The following HAND2 variants were observed in gnomAD, a reference collection of about 807,000 sequenced individuals.
The protein encoded by HAND2 is heart and neural crest derivatives expressed 2.
A neutral mutation model predicts 14.7 loss-of-function variants in HAND2; 2 were observed. The observed-to-expected ratio is 0.14, with a 90% CI of 0.06 to 0.43. The LOEUF is 0.43. Among genes scored for constraint, HAND2 ranks in the 20% least tolerant of loss-of-function variants. The pLI is 0.99. For synonymous variants in HAND2, 162 were observed against 135.9 expected (o/e 1.19, Z -1.34); for missense variants, 275 against 313.6 (o/e 0.88, Z 0.93).
chr4:173,528,515 C>A lies in HAND2; in HGVS notation c.555+220G>T. 2 of 597,148 alleles carry A rather than the reference C, an allele frequency of 3.3e-6. No individual in the cohort carries two copies. Among genetic ancestry groups the A allele is most frequent in the South Asian group, 3.9e-5 (2 of 51,108 alleles). 37.0% of individuals were successfully genotyped at this position (597,148 alleles called of 1,614,324 possible). A position where few individuals can be genotyped will look rare whatever the true frequency, so the allele number is the denominator to read the frequency against. On this transcript the variant is annotated intron_variant, in intron 1 of 1. Transcript: ENST00000359562. The surrounding 1 kb of genome is among the most constrained non-coding windows in gnomAD (Gnocchi z 5.6). ...GATAACCCGGAGGTAAGATCACCAG[C>A]GCAAAGCATCCCTAACCTTCTCCTC... is the stretch of plus-strand genomic sequence containing the variant.
intron 1 of HAND2, 171 bp from the exon 2 acceptor site, chr4:173,527,546 A>C (rs1579037024): frequency 1.5e-6 from 1 of 649,032 alleles, no homozygotes. Flanking sequence ...GGTTAGCGCT[A>C]CCCTAGCCGG....
rs1175911549 is a variant in HAND2 at position 173,527,103 on chromosome 4, C to T, written c.*174G>A. 4.3e-6 allele frequency: 3 copies of T among 702,030 alleles called. No individual in the cohort carries two copies. The highest frequency in any genetic ancestry group is 1.7e-5 in the African/African-American group (1 of 57,190). The allele number at this position is 702,030 out of a possible 1,614,324, so 43.5% of individuals were successfully genotyped here. A position where few individuals can be genotyped will look rare whatever the true frequency, so the allele number is the denominator to read the frequency against. ...TGGAGGGGGAGACGGGGAGCAGATG[C>T]CTCAAAGGGGGTCAAAGAGAGGGGA... On this transcript the variant is annotated 3_prime_UTR_variant, in exon 2 of 2. Coordinates refer to ENST00000359562, the MANE Select transcript of HAND2 (RefSeq NM_021973.3).
In HAND2 at chr4:173,526,824, A is replaced by G. The variant is rs1731466043; in HGVS notation, c.*453T>C. The G allele has an allele frequency of 1.9e-5, 7 of 367,008 alleles. No individual in the cohort carries two copies. Among genetic ancestry groups the G allele is most frequent in the South Asian group, 1.2e-4 (6 of 48,052 alleles). The allele number at this position is 367,008 out of a possible 1,614,324, so 22.7% of individuals were successfully genotyped here. On this transcript the variant is annotated 3_prime_UTR_variant, in exon 2 of 2. Coordinates refer to ENST00000359562, the MANE Select transcript of HAND2 (RefSeq NM_021973.3). ...GCCCTGTTTTCTGCTTTGAAATAAAACTTTATAATACCCAGGAATATTTAT... is the reference window on the plus strand; with the variant it reads ...GCCCTGTTTTCTGCTTTGAAATAAAGCTTTATAATACCCAGGAATATTTAT...
Position 173,528,803 on chromosome 4 carries a change from C to G in HAND2, c.487G>C (p.Glu163Gln), listed in dbSNP as rs200277716. The G allele has an allele frequency of 6.2e-7, 1 of 1,614,200 alleles. No individual in the cohort carries two copies. ...ATCTCTGCCTTGAAGGCCTCCGCCTCGCCATTCTGGTCGTCCTTGGCCAGC... is the reference window on the plus strand; with the variant it reads ...ATCTCTGCCTTGAAGGCCTCCGCCTGGCCATTCTGGTCGTCCTTGGCCAGC... The part of the protein sequence containing the change: ...DLLAKDDQNG[E>Q]AEAFKAEIKK... The change falls in exon 1 of 2, where the codon GAG (glutamate) becomes CAG (glutamine). Residue 163 changes from glutamate to glutamine, a missense_variant. Glu to Gln is a conservative substitution (Grantham distance 29, BLOSUM62 2). Coordinates refer to ENST00000359562, the MANE Select transcript of HAND2 (RefSeq NM_021973.3). This position sits in a 1 kb window ranked among gnomAD's most constrained non-coding sequence, Gnocchi z 5.6.
In HAND2 at chr4:173,528,621, C is replaced by G; in HGVS notation, c.555+114G>C. The G allele has an allele frequency of 7.7e-7, 1 of 1,303,536 alleles. No homozygotes were observed. The highest frequency in any genetic ancestry group is 1.1e-6 in the Non-Finnish European group (1 of 935,972). The allele number at this position is 1,303,536 out of a possible 1,614,324, so 80.7% of individuals were successfully genotyped here. A position where few individuals can be genotyped will look rare whatever the true frequency, so the allele number is the denominator to read the frequency against. ...CAACCTGGTGCAAACAACCTTGAAG[C>G]GGGACGCAGCCAAAGAACACGAGAT... On this transcript the variant is annotated intron_variant, in intron 1 of 1. Coordinates refer to ENST00000359562, the MANE Select transcript of HAND2 (RefSeq NM_021973.3). This position sits in a 1 kb window ranked among gnomAD's most constrained non-coding sequence, Gnocchi z 5.6.
chr4:173,530,205 C>T lies in HAND2; in HGVS notation c.-916G>A, dbSNP rs1057120454. On this transcript the variant is annotated 5_prime_UTR_variant, in exon 1 of 2. Coordinates refer to ENST00000359562, the MANE Select transcript of HAND2 (RefSeq NM_021973.3). This position sits in a 1 kb window ranked among gnomAD's most constrained non-coding sequence, Gnocchi z 6.2. ...GACGTGAGGGGAGCAAGCGGATTTTCCCAGCAAGATCTCCATGTACAGCTA... is the reference window on the plus strand; with the variant it reads ...GACGTGAGGGGAGCAAGCGGATTTTTCCAGCAAGATCTCCATGTACAGCTA... The T allele has an allele frequency of 6.6e-6, 1 of 152,020 alleles. No homozygotes were observed. The highest frequency in any genetic ancestry group is 2.4e-5 in the African/African-American group (1 of 41,364). 9.4% of individuals were successfully genotyped at this position (152,020 alleles called of 1,614,324 possible). A position where few individuals can be genotyped will look rare whatever the true frequency, so the allele number is the denominator to read the frequency against.
chr4:173,529,041 C>A lies in HAND2; in HGVS notation c.249G>T (p.Val83=). The A allele has an allele frequency of 1.3e-6, 2 of 1,497,456 alleles. No individual in the cohort carries two copies. Among genetic ancestry groups the A allele is most frequent in the South Asian group, 1.4e-5 (1 of 73,448 alleles). 92.8% of individuals were successfully genotyped at this position (1,497,456 alleles called of 1,614,324 possible). The change falls in exon 1 of 2, where the codon GTG becomes GTT. Residue 83 remains valine, a synonymous_variant. Transcript: ENST00000359562. ...GGCCCGGGGGCCCGGCGCCCGGCGG[C>A]ACCCCCCCGTAATGGGAGTGGTCCA... ...AGLDHSHYGG[V]PPGAGPPGLG...
At position 173,527,319 on chromosome 4, in the gene HAND2, C is replaced by T. The variant is rs868204890; in HGVS notation, c.612G>A (p.Thr204=). The change falls in exon 2 of 2, where the codon ACG becomes ACA. Residue 204 remains threonine (T), a synonymous_variant. Transcript: ENST00000359562. ...SSNDKKTKGR[T]GWPQHVWALE... ...GGGCCCAGACGTGCTGCGGCCAGCC[C>T]GTCCGGCCTTTGGTTTTCTTGTCGT... 7.4e-6 allele frequency: 12 copies of T among 1,613,546 alleles called. No individual in the cohort carries two copies. The Middle Eastern group carries it at 1.5e-3, about 199-fold the overall frequency.
rs1449945616 is a variant in HAND2, at chr4:173,528,454, G to C, written c.555+281C>G. The C allele has an allele frequency of 8.3e-6, 4 of 481,972 alleles. No individual in the cohort carries two copies. The Admixed American group carries it at 1.3e-4, about 16-fold the overall frequency. 29.9% of individuals were successfully genotyped at this position (481,972 alleles called of 1,614,324 possible). A position where few individuals can be genotyped will look rare whatever the true frequency, so the allele number is the denominator to read the frequency against. On this transcript the variant is annotated intron_variant, in intron 1 of 1. Coordinates refer to ENST00000359562, the MANE Select transcript of HAND2 (RefSeq NM_021973.3). The surrounding 1 kb of genome is among the most constrained non-coding windows in gnomAD (Gnocchi z 5.6). ...CGATCGCGATCGATCGCGACCCAGA[G>C]TTTTCAAGGTCCGTCCTAAGTACTA...
chr4:173,529,143 G>A lies in HAND2; in HGVS notation c.147C>T (p.Gly49=). Residue 49 remains glycine, a synonymous_variant, in exon 1 of 2, where the codon GGC becomes GGT. Transcript: ENST00000359562. ...ENPYFHGWLI[G]HPEMSPPDYS... ...AGTCGGGGGGCGACATCTCGGGGTG[G>A]CCGATGAGCCAGCCATGGAAGTAGG... 1 of 1,478,592 alleles carries A rather than the reference G, an allele frequency of 6.8e-7. No homozygotes were observed. The highest frequency in any genetic ancestry group is 8.9e-7 in the Non-Finnish European group (1 of 1,125,228). 91.6% of individuals were successfully genotyped at this position (1,478,592 alleles called of 1,614,324 possible). A position where few individuals can be genotyped will look rare whatever the true frequency, so the allele number is the denominator to read the frequency against.
Position 173,527,264 on chromosome 4 carries a change from C to T in HAND2, c.*13G>A. The T allele has an allele frequency of 6.3e-7, 1 of 1,584,194 alleles. No homozygotes were observed. The highest frequency in any genetic ancestry group is 2.2e-5 in the East Asian group (1 of 44,746). ...GCTCACTCGCGCTCTCCTCCTCCTC[C>T]TTCTCCTCCTCCTCACTGCTTGAGC... On this transcript the variant is annotated 3_prime_UTR_variant, in exon 2 of 2. Coordinates refer to ENST00000359562, the MANE Select transcript of HAND2 (RefSeq NM_021973.3).
chr4:173,528,509 C>T lies in HAND2; in HGVS notation c.555+226G>A. ...AGCAGCGATAACCCGGAGGTAAGAT[C>T]ACCAGCGCAAAGCATCCCTAACCTT... On this transcript the variant is annotated intron_variant, in intron 1 of 1. Transcript: ENST00000359562. The surrounding 1 kb of genome is among the most constrained non-coding windows in gnomAD (Gnocchi z 5.6). The T allele has an allele frequency of 3.4e-6, 2 of 589,228 alleles. No homozygotes were observed. The highest frequency in any genetic ancestry group is 3.0e-6 in the Non-Finnish European group (1 of 330,424). 36.5% of individuals were successfully genotyped at this position (589,228 alleles called of 1,614,324 possible). A position where few individuals can be genotyped will look rare whatever the true frequency, so the allele number is the denominator to read the frequency against.
In HAND2 at chr4:173,529,420, G is replaced by A; in HGVS notation, c.-131C>T. The A allele has an allele frequency of 8.7e-6, 3 of 344,862 alleles. No individual in the cohort carries two copies. Among genetic ancestry groups the A allele is most frequent in the Non-Finnish European group, 1.1e-5 (3 of 268,894 alleles). The allele number at this position is 344,862 out of a possible 1,614,324, so 21.4% of individuals were successfully genotyped here. A position where few individuals can be genotyped will look rare whatever the true frequency, so the allele number is the denominator to read the frequency against. On this transcript the variant is annotated 5_prime_UTR_variant, in exon 1 of 2. Coordinates refer to ENST00000359562, the MANE Select transcript of HAND2 (RefSeq NM_021973.3). ...CCCCAGCCCCCGGGCGCCCGGGCCC[G>A]CCCGGCAGCCGCAGAGGGGGCTGCT...
Position 173,528,899 on chromosome 4 carries a change from C to A in HAND2, c.391G>T (p.Ala131Ser). The A allele has an allele frequency of 1.2e-6, 2 of 1,614,134 alleles. No homozygotes were observed. The highest frequency in any genetic ancestry group is 1.1e-5 in the South Asian group (1 of 91,088). Residue 131 changes from alanine to serine, a missense_variant, in exon 1 of 2, where the codon GCC (alanine) becomes TCC (serine). Around this residue, in one of 4 missense-constraint regions of HAND2, gnomAD observed 34 missense variants for 77.9 expected, o/e 0.44. Coordinates refer to ENST00000359562, the MANE Select transcript of HAND2 (RefSeq NM_021973.3). The surrounding 1 kb of genome is among the most constrained non-coding windows in gnomAD (Gnocchi z 5.6). The part of the protein sequence containing the change: ...ELRECIPNVP[A>S]DTKLSKIKTL... ...TTGATTTTGGAGAGTTTGGTGTCGGCGGGTACGTTGGGGATGCACTCGCGC... is the reference window on the plus strand; with the variant it reads ...TTGATTTTGGAGAGTTTGGTGTCGGAGGGTACGTTGGGGATGCACTCGCGC...
chr4:173,529,249 T>C lies in HAND2; in HGVS notation c.41A>G (p.His14Arg). The change falls in exon 1 of 2, where the codon CAC becomes CGC. Residue 14 changes from histidine (H) to arginine (R), a missense_variant. His to Arg is a conservative substitution (Grantham distance 29). Coordinates refer to ENST00000359562, the MANE Select transcript of HAND2 (RefSeq NM_021973.3). ...GGCGGCAAACGGGTAGCCCTCGTGG[T>C]GCACCACCGGGTGGTGGGGAAAACC... Reference protein sequence around the residue: ...VGGFPHHPVVHHEGYPFAAAA... With the variant: ...VGGFPHHPVVRHEGYPFAAAA... 7.2e-7 allele frequency: 1 copy of C among 1,392,206 alleles called. No homozygotes were observed. The highest frequency in any genetic ancestry group is 9.2e-7 in the Non-Finnish European group (1 of 1,081,310). 86.2% of individuals were successfully genotyped at this position (1,392,206 alleles called of 1,614,324 possible).
In HAND2 at chr4:173,527,311, G is replaced by C; in HGVS notation, c.620C>G (p.Pro207Arg). The C allele has an allele frequency of 6.2e-7, 1 of 1,613,276 alleles. No individual in the cohort carries two copies. Among genetic ancestry groups the C allele is most frequent in the Non-Finnish European group, 8.5e-7 (1 of 1,179,646 alleles). The change falls in exon 2 of 2, where the codon CCG becomes CGG. Residue 207 changes from proline to arginine, a missense_variant. Physicochemically the swap from Pro to Arg is moderately radical, Grantham distance 103. Transcript: ENST00000359562. ...DKKTKGRTGW[P>R]QHVWALELKQ ...GAGCTCCAGGGCCCAGACGTGCTGC[G>C]GCCAGCCCGTCCGGCCTTTGGTTTT...
At position 173,529,054 on chromosome 4, in the gene HAND2, T is replaced by A. The variant is rs1394789783; in HGVS notation, c.236A>T (p.His79Leu). 1 of 1,502,866 alleles carries A rather than the reference T, an allele frequency of 6.7e-7. No individual in the cohort carries two copies. Among genetic ancestry groups the A allele is most frequent in the Admixed American group, 2.6e-5 (1 of 38,092 alleles). The allele number at this position is 1,502,866 out of a possible 1,614,324, so 93.1% of individuals were successfully genotyped here. ...GGCGCCCGGCGGCACCCCCCCGTAA[T>A]GGGAGTGGTCCAGGCCGGCGGCGCC... ...ASGAAGLDHS[H>L]YGGVPPGAGP... Residue 79 changes from histidine to leucine, a missense_variant, in exon 1 of 2, where the codon CAT (histidine) becomes CTT (leucine). By Grantham distance (99) the His-to-Leu change is moderately conservative (BLOSUM62 -3). This residue lies in a region of HAND2 where 175 missense variants were observed against 157.1 expected (regional missense o/e 1.11). Transcript: ENST00000359562.
chr4:173,527,466 G>A (rs1225426136), intron 1 of HAND2, 91 bp from the exon 2 acceptor site: 3 of 856,418 alleles, frequency 3.5e-6, no homozygotes, highest in African/African-American at 1.6e-5. Context: ...TTCCTGCGCC[G>A]GAGGAGACAG....
Position 173,529,023 on chromosome 4 carries a change from G to T in HAND2, c.267C>A (p.Pro89=), listed in dbSNP as rs1227260798. Residue 89 remains proline (P), a synonymous_variant, in exon 1 of 2, where the codon CCC becomes CCA. Coordinates refer to ENST00000359562, the MANE Select transcript of HAND2 (RefSeq NM_021973.3). ...HYGGVPPGAG[P]PGLGGPRPVK... Reference sequence around the variant, plus strand: ...CCGGGCGCGGCCCCCCCAGGCCCGGGGGCCCGGCGCCCGGCGGCACCCCCC... The same window carrying T: ...CCGGGCGCGGCCCCCCCAGGCCCGGTGGCCCGGCGCCCGGCGGCACCCCCC... The T allele has an allele frequency of 6.5e-7, 1 of 1,543,110 alleles. No homozygotes were observed. The highest frequency in any genetic ancestry group is 8.7e-7 in the Non-Finnish European group (1 of 1,154,880).
Sources: allele counts gnomAD v4.1 joint callset, GRCh38; gene constraint gnomAD v4.1.1; regional missense constraint gnomAD v4.1.1; non-coding constraint Gnocchi (gnomAD v3.1); transcripts MANE v1.5; gene names NCBI Gene and HGNC (gene_info 2026-07-23, HGNC 2026-07-21).